SHB: variants seen among roughly 807,000 people sequenced by gnomAD.
The protein encoded by SHB is SH2 domain containing adaptor protein B, also known as SH2 domain-containing adapter protein B.
Under a neutral mutation model 52.3 loss-of-function variants are expected in SHB, and 20 were observed. The ratio of observed to expected loss-of-function variants is 0.38; its 90% CI spans 0.27 to 0.56. The LOEUF is 0.56. SHB is among the 20% of genes least tolerant of loss of function. The probability of loss-of-function intolerance (pLI) is 0.71; values close to 1 mark genes in which losing one functional copy is unlikely to be tolerated. For missense variants in SHB, 825 were observed against 723.3 expected (o/e 1.14, Z -1.61); for synonymous variants, 397 against 316.5 (o/e 1.25, Z -2.70).
rs1202538049 is a variant in SHB, at chr9:38,068,024, G to A, written c.622C>T (p.Arg208Cys). 2 of 1,510,402 alleles carry A rather than the reference G, an allele frequency of 1.3e-6. No homozygotes were observed. The highest frequency in any genetic ancestry group is 1.4e-5 in the African/African-American group (1 of 69,804). 93.6% of individuals were successfully genotyped at this position (1,510,402 alleles called of 1,614,324 possible). A position where few individuals can be genotyped will look rare whatever the true frequency, so the allele number is the denominator to read the frequency against. ...DPLGGACAGGRTWSPTACGGK... is the reference protein window; with the variant it reads ...DPLGGACAGGCTWSPTACGGK... ...CCGCAGGCCGTCGGGCTCCAGGTGCGGCCGCCCGCGCAGGCGCCCCCCAGG... is the reference window on the plus strand; with the variant it reads ...CCGCAGGCCGTCGGGCTCCAGGTGCAGCCGCCCGCGCAGGCGCCCCCCAGG... Residue 208 changes from arginine to cysteine, a missense_variant, in exon 1 of 6, where the codon CGC becomes TGC. By Grantham distance (180) the Arg-to-Cys change is radical. Transcript: ENST00000377707.
chr9:38,041,849 C>A (rs1010598081), intron 1 of SHB, among the ~76,000 whole-genome samples: 7 of 152,176 alleles, frequency 4.6e-5, no homozygotes, highest in Non-Finnish European at 1.0e-4. Context: ...ATTGCCAAAA[C>A]GCAGCCGAAG....
chr9:37,960,827 C>T (rs370147742), intron 3 of SHB, among the ~76,000 whole-genome samples: 3 of 152,278 alleles, frequency 2.0e-5, no homozygotes, highest in East Asian at 1.9e-4. Context: ...GGGTGAGGAA[C>T]GGCGGTCCAG....
At chr9:38,059,306 G>C (rs1176644311) in intron 1 of SHB, among the ~76,000 whole-genome samples, 1 of 145,680 alleles carries the variant, frequency 6.9e-6, no homozygotes, top group Non-Finnish European at 1.5e-5. Context: ...CTGACCAGGA[G>C]TATTACGTGT....
chr9:38,006,227 G>A (rs2118053487), intron 2 of SHB, among the ~76,000 whole-genome samples: 1 of 152,244 alleles, frequency 6.6e-6, no homozygotes, highest in East Asian at 1.9e-4. Flanking sequence ...ACCTGACCTG[G>A]CCTAGATGAT....
At chr9:38,066,839 C>T (rs764698913) in intron 1 of SHB, among the ~76,000 whole-genome samples, 2 of 152,192 alleles carry the variant, frequency 1.3e-5, no homozygotes, top group Non-Finnish European at 2.9e-5. Flanking sequence ...CTAAAAGGAA[C>T]TCAGACTCTT....
chr9:38,026,398 C>T (rs550439100), intron 1 of SHB, among the ~76,000 whole-genome samples: 3 of 152,362 alleles, frequency 2.0e-5, no homozygotes, highest in Non-Finnish European at 1.5e-5. Context: ...GGAACCCGCA[C>T]TAAGTGAAGG....
chr9:37,951,606 G>A (rs1422092299), intron 4 of SHB, among the ~76,000 whole-genome samples: 1 of 152,226 alleles, frequency 6.6e-6, no homozygotes, highest in Non-Finnish European at 1.5e-5. Context: ...GCCTAGAAGT[G>A]GTCTCTGGGG....
intron 1 of SHB, among the ~76,000 whole-genome samples, chr9:38,066,512 A>C (rs1821962316): frequency 6.6e-6 from 1 of 152,000 alleles, no homozygotes; most frequent in Non-Finnish European, 1.5e-5. Flanking sequence ...CCCTCTCCCA[A>C]AGCAGCTCCT....
At chr9:38,025,153 G>C (rs1005334574) in intron 1 of SHB, among the ~76,000 whole-genome samples, 2 of 152,070 alleles carry the variant, frequency 1.3e-5, no homozygotes, top group African/African-American at 4.8e-5. Context: ...CTGCCTCACA[G>C]AAGAACCCCC....
chr9:38,048,593 T>C lies in SHB; in HGVS notation c.717+19336A>G, dbSNP rs542686979. On this transcript the variant is annotated intron_variant, in intron 1 of 5. Coordinates refer to ENST00000377707, the MANE Select transcript of SHB (RefSeq NM_003028.3). ...AGGTTGCTGTGAGCTATGATGGCAC[T>C]GTTGCACTCTAGCCTGGGTGACATA... 2.1e-3 allele frequency among the ~76,000 whole-genome samples: 318 copies of C among 152,316 alleles called. 2 individuals are homozygous for C. Among genetic ancestry groups the C allele is most frequent in the African/African-American group, 7.3e-3 (302 of 41,568 alleles).
chr9:37,977,654 G>A (rs1820671761), intron 2 of SHB, among the ~76,000 whole-genome samples: 1 of 152,168 alleles, frequency 6.6e-6, no homozygotes, highest in African/African-American at 2.4e-5. Flanking sequence ...GGACAACTTC[G>A]TAAATCACTA....
Position 37,919,810 on chromosome 9 carries a change from G to A in SHB, c.*11C>T, listed in dbSNP as rs201351017. 1.2e-6 allele frequency: 2 copies of A among 1,611,132 alleles called. No homozygotes were observed. Among genetic ancestry groups the A allele is most frequent in the African/African-American group, 2.7e-5 (2 of 74,976 alleles). On this transcript the variant is annotated 3_prime_UTR_variant, in exon 6 of 6. Transcript: ENST00000377707. ...CAGGCTCTGTCACAGAGCAGGGCAG[G>A]TCTGGTCCGCTCACAGGGTCCTCAC...
At chr9:38,056,880 G>A (rs879907760) in intron 1 of SHB, among the ~76,000 whole-genome samples, 6 of 152,168 alleles carry the variant, frequency 3.9e-5, no homozygotes, top group Admixed American at 3.9e-4. Context: ...AAAGTAAACA[G>A]TTTTGGAAAA....
intron 2 of SHB, among the ~76,000 whole-genome samples, chr9:37,989,291 T>C (rs186961960): frequency 2.0e-5 from 3 of 152,196 alleles, no homozygotes; most frequent in Non-Finnish European, 4.4e-5. Context: ...TTTATCACAA[T>C]ACAGAGGGAT....
chr9:37,948,592 G>C, intron 5 of SHB, 43 bp downstream of exon 5: 2 of 1,604,866 alleles, frequency 1.2e-6, no homozygotes, highest in Non-Finnish European at 1.7e-6. Flanking sequence ...TGCGCTCGCA[G>C]AGGCTGCCGA....
chr9:37,916,091 G>A lies in SHB; in HGVS notation c.*3730C>T, dbSNP rs1386506556. 1.3e-5 allele frequency among the ~76,000 whole-genome samples: 2 copies of A among 152,238 alleles called. No homozygotes were observed. The highest frequency in any genetic ancestry group is 4.8e-5 in the African/African-American group (2 of 41,466). ...GGCACCTGTGTTCCAGGACCAAGGG[G>A]CTTGCCCTCCTGCAAGCGCGCCTGT... On this transcript the variant is annotated 3_prime_UTR_variant, in exon 6 of 6. Coordinates refer to ENST00000377707, the MANE Select transcript of SHB (RefSeq NM_003028.3).
chr9:38,052,705 C>T (rs190402642), intron 1 of SHB, among the ~76,000 whole-genome samples: 1 of 152,286 alleles, frequency 6.6e-6, no homozygotes, highest in Non-Finnish European at 1.5e-5. Flanking sequence ...GTCCCTAAAG[C>T]ATGAGGCTGA....
At chr9:37,962,686 T>A (rs1564089353) in intron 3 of SHB, among the ~76,000 whole-genome samples, 6 of 151,840 alleles carry the variant, frequency 4.0e-5, no homozygotes. Flanking sequence ...TTTTTTTTTT[T>A]AAGTTTGTAG....
intron 2 of SHB, among the ~76,000 whole-genome samples, chr9:37,983,759 C>G (rs1004562651): frequency 6.6e-6 from 1 of 152,208 alleles, no homozygotes; most frequent in Admixed American, 6.5e-5. Flanking sequence ...TTGCAGCCAC[C>G]GGGGATCCGT....
Sources: gnomAD v4.1 joint callset for allele counts (sites outside exome capture counted in the v4.1 genomes callset) on GRCh38, gnomAD v4.1.1 for gene constraint, MANE v1.5 for transcripts, NCBI Gene and HGNC (gene_info 2026-07-23, HGNC 2026-07-21) for gene names.